NEGR1: variants seen among roughly 807,000 people sequenced by gnomAD.
NEGR1 encodes IgLON family member 4.
Under a neutral mutation model 40.9 loss-of-function variants are expected in NEGR1, and 10 were observed. The observed-to-expected ratio is 0.24, with a 90% CI of 0.15 to 0.42. NEGR1 has a LOEUF of 0.42. NEGR1 is among the 10% of genes least tolerant of loss of function. The probability of loss-of-function intolerance (pLI) is 1.00; values close to 1 mark genes in which losing one functional copy is unlikely to be tolerated. For missense variants in NEGR1, 352 were observed against 438.9 expected, an observed-to-expected ratio of 0.80 and a Z score of 1.77; for synonymous variants, 185 against 166.8, an observed-to-expected ratio of 1.11 and a Z score of -0.84.
intron 4 of NEGR1, among the ~76,000 whole-genome samples, chr1:71,696,323 T>C (rs1440489189): frequency 5.9e-5 from 9 of 151,712 alleles, no homozygotes; most frequent in Non-Finnish European, 1.5e-5. Flanking sequence ...CCAAAAACAA[T>C]TGTGGCTTGT....
intron 6 of NEGR1, among the ~76,000 whole-genome samples, chr1:71,476,302 T>C (rs541649884): frequency 3.4e-4 from 51 of 152,216 alleles, no homozygotes; most frequent in African/African-American, 1.2e-3. Flanking sequence ...CTTTCTACCT[T>C]CAACTGTCAT....
chr1:72,073,564 T>C (rs1045694265), intron 1 of NEGR1, among the ~76,000 whole-genome samples: 12 of 152,114 alleles, frequency 7.9e-5, no homozygotes, highest in African/African-American at 2.9e-4. Context: ...ATGTGATACA[T>C]AAATTTAAAA....
chr1:72,267,350 T>A (rs1028437496), intron 1 of NEGR1, among the ~76,000 whole-genome samples: 1 of 151,140 alleles, frequency 6.6e-6, no homozygotes, highest in African/African-American at 2.4e-5. Flanking sequence ...AATATATTCT[T>A]ATATAGGAGA....
At chr1:71,807,738 AC>A (rs1657830342) in intron 2 of NEGR1, among the ~76,000 whole-genome samples, 1 of 152,194 alleles carries the variant, frequency 6.6e-6, no homozygotes, top group South Asian at 2.1e-4. Context: ...GCAGTTTCTT[AC>A]GAAAGTTTAT....
chr1:72,068,538 T>C (rs542546706), intron 1 of NEGR1, among the ~76,000 whole-genome samples: 2 of 152,270 alleles, frequency 1.3e-5, no homozygotes, highest in African/African-American at 4.8e-5. Flanking sequence ...ATGCAGTTTG[T>C]TTAGGTAACA....
chr1:71,937,806 T>C (rs1645921129), intron 1 of NEGR1, among the ~76,000 whole-genome samples: 2 of 152,114 alleles, frequency 1.3e-5, no homozygotes, highest in Non-Finnish European at 2.9e-5. Context: ...TAATTATTAG[T>C]GGATGTTTTA....
chr1:71,510,800 CT>C (rs1222070873), intron 6 of NEGR1, among the ~76,000 whole-genome samples: 1 of 152,202 alleles, frequency 6.6e-6, no homozygotes, highest in African/African-American at 2.4e-5. Flanking sequence ...AAAAGTCTCA[CT>C]TCCGCTATAC....
chr1:71,839,398 A>T (rs1196902917), intron 2 of NEGR1, among the ~76,000 whole-genome samples: 6 of 150,294 alleles, frequency 4.0e-5, no homozygotes, highest in Non-Finnish European at 8.9e-5. Context: ...TTTAGTAGAG[A>T]TGGGGTTTCG....
intron 4 of NEGR1, among the ~76,000 whole-genome samples, chr1:71,650,236 A>G (rs1314361483): frequency 6.6e-6 from 1 of 152,104 alleles, no homozygotes; most frequent in Non-Finnish European, 1.5e-5. Flanking sequence ...GGGATGTTCA[A>G]CAGAAATTTC....
At chr1:71,610,215 T>C (rs1650208880) in intron 5 of NEGR1, among the ~76,000 whole-genome samples, 1 of 152,232 alleles carries the variant, frequency 6.6e-6, no homozygotes, top group African/African-American at 2.4e-5. Context: ...TTGGCTTTTT[T>C]GACTTCGAAA....
intron 1 of NEGR1, among the ~76,000 whole-genome samples, chr1:72,270,671 C>T (rs1655813000): frequency 6.6e-6 from 1 of 151,870 alleles, no homozygotes; most frequent in African/African-American, 2.4e-5. Context: ...TCTAATTAGT[C>T]TTACTTCCTC....
At chr1:71,739,745 A>G (rs897929535) in intron 3 of NEGR1, among the ~76,000 whole-genome samples, 11 of 152,112 alleles carry the variant, frequency 7.2e-5, no homozygotes, top group African/African-American at 2.4e-4. Context: ...ACAGCTAAAA[A>G]TCACTGCCTT....
At chr1:72,032,625 A>T (rs1389848609) in intron 1 of NEGR1, among the ~76,000 whole-genome samples, 1 of 152,208 alleles carries the variant, frequency 6.6e-6, no homozygotes, top group Non-Finnish European at 1.5e-5. Context: ...TCACACACAT[A>T]AAATCTTTTT....
At position 71,773,557 on chromosome 1, in the gene NEGR1, A is replaced by G. The variant is rs1241571152; in HGVS notation, c.535+2615T>C. ...TCAAAAAAGCTAATAGAATTATCGG[A>G]CATGTTCCTTAAAGCAGGAACTCCA... On this transcript the variant is annotated intron_variant, in intron 3 of 6. Coordinates refer to ENST00000357731, the MANE Select transcript of NEGR1 (RefSeq NM_173808.3). Among the ~76,000 whole-genome samples the G allele has an allele frequency of 7.9e-5, 12 of 152,172 alleles. No homozygotes were observed. The East Asian group carries it at 2.3e-3, about 29-fold the overall frequency.
chr1:71,809,118 G>C (rs1023422454), intron 2 of NEGR1, among the ~76,000 whole-genome samples: 2 of 152,100 alleles, frequency 1.3e-5, no homozygotes, highest in East Asian at 3.9e-4. Context: ...ATAAGTGATG[G>C]ATACACAGGA....
intron 3 of NEGR1, among the ~76,000 whole-genome samples, chr1:71,749,941 C>T (rs1469058806): frequency 6.6e-6 from 1 of 151,512 alleles, no homozygotes; most frequent in Non-Finnish European, 1.5e-5. Flanking sequence ...AAATGCCTCA[C>T]AAAGCTACAA....
intron 4 of NEGR1, among the ~76,000 whole-genome samples, chr1:71,688,757 A>G (rs1288951455): frequency 6.6e-6 from 1 of 152,154 alleles, no homozygotes; most frequent in African/African-American, 2.4e-5. Flanking sequence ...CTACAGAGGA[A>G]GGTTGACATG....
At position 72,009,937 on chromosome 1, in the gene NEGR1, T is replaced by C. The variant is rs545847411; in HGVS notation, c.177-74626A>G. Among the ~76,000 whole-genome samples the C allele has an allele frequency of 4.7e-4, 71 of 149,564 alleles. 1 individual carries two copies. Among genetic ancestry groups the C allele is most frequent in the African/African-American group, 1.6e-3 (66 of 40,706 alleles). On this transcript the variant is annotated intron_variant, in intron 1 of 6. Transcript: ENST00000357731. ...AAATCTGGGAGGTAGAAAAAAAAAA[T>C]GTAGCTATTCAAAAGCAGAGACTGG...
At chr1:72,089,163 C>G (rs1569944429) in intron 1 of NEGR1, among the ~76,000 whole-genome samples, 1 of 152,082 alleles carries the variant, frequency 6.6e-6, no homozygotes, top group Non-Finnish European at 1.5e-5. Context: ...AATGGACCAT[C>G]CAATGTTTTG....
Sources: gnomAD v4.1 joint callset for allele counts (sites outside exome capture counted in the v4.1 genomes callset) on GRCh38, gnomAD v4.1.1 for gene constraint, MANE v1.5 for transcripts, NCBI Gene and HGNC (gene_info 2026-07-23, HGNC 2026-07-21) for gene names.